The following FSIP1 variants were observed in gnomAD, a reference collection of about 807,000 sequenced individuals.
FSIP1 encodes the protein fibrous sheath interacting protein 1.
Under a neutral mutation model 60.9 loss-of-function variants are expected in FSIP1, and 65 were observed. The ratio of observed to expected loss-of-function variants is 1.07; its 90% CI spans 0.87 to 1.31. The LOEUF (loss-of-function observed/expected upper bound fraction) is 1.31. Among genes scored for constraint, FSIP1 ranks in the 40% most tolerant of loss-of-function variants. The probability of loss-of-function intolerance (pLI) is 0.00; values close to 1 mark genes in which losing one functional copy is unlikely to be tolerated. For missense variants in FSIP1, 675 were observed against 665.5 expected, an observed-to-expected ratio of 1.01 and a Z score of -0.16; for synonymous variants, 209 against 221.2, an observed-to-expected ratio of 0.94 and a Z score of 0.49.
chr15:39,704,782 T>C (rs1157091179), intron 10 of FSIP1, among the ~76,000 whole-genome samples: 1 of 152,228 alleles, frequency 6.6e-6, no homozygotes. Context: ...GGGGTTCATA[T>C]ATGCTTATAT....
intron 10 of FSIP1, among the ~76,000 whole-genome samples, chr15:39,675,429 A>C (rs1285397052): frequency 6.6e-6 from 1 of 152,190 alleles, no homozygotes; most frequent in Non-Finnish European, 1.5e-5. Flanking sequence ...CATAACGAAA[A>C]TCTGAAAATA....
chr15:39,705,405 T>C (rs956338337), intron 10 of FSIP1, among the ~76,000 whole-genome samples: 2 of 152,192 alleles, frequency 1.3e-5, no homozygotes, highest in Non-Finnish European at 2.9e-5. Context: ...TTATTGTTAC[T>C]ATTCATTTAA....
Position 39,773,845 on chromosome 15 carries a change from T to C in FSIP1, c.126+2554A>G, listed in dbSNP as rs147057887. 1.1e-4 allele frequency among the ~76,000 whole-genome samples: 16 copies of C among 152,300 alleles called. No individual in the cohort carries two copies. In the East Asian group the frequency reaches 3.1e-3, roughly 29 times the overall value. On this transcript the variant is annotated intron_variant, in intron 2 of 11. Coordinates refer to ENST00000350221, the MANE Select transcript of FSIP1 (RefSeq NM_152597.5). ...GAGACAGGGAATAGATCAGTAATTG[T>C]AAGGGATTAAGGGTGACATGGGATT...
intron 11 of FSIP1, among the ~76,000 whole-genome samples, chr15:39,609,268 A>T (rs139714470): frequency 1.4e-4 from 21 of 152,304 alleles, no homozygotes; most frequent in Non-Finnish European, 2.4e-4. Flanking sequence ...CAGGAAGTAT[A>T]GTCAACTGAT....
At chr15:39,677,449 T>C (rs1893987300) in intron 10 of FSIP1, among the ~76,000 whole-genome samples, 1 of 150,484 alleles carries the variant, frequency 6.6e-6, no homozygotes, top group South Asian at 2.1e-4. Flanking sequence ...TGTGATTCAA[T>C]TCTGGTGCTT....
intron 5 of FSIP1, among the ~76,000 whole-genome samples, chr15:39,758,940 C>T (rs1897392843): frequency 6.6e-6 from 1 of 151,736 alleles, no homozygotes; most frequent in Admixed American, 6.6e-5. Flanking sequence ...ACAGATTATC[C>T]AATAAAGGGT....
At position 39,635,361 on chromosome 15, in the gene FSIP1, T is replaced by C. The variant is rs748208442; in HGVS notation, c.1189-17116A>G. On this transcript the variant is annotated intron_variant, in intron 10 of 11. Coordinates refer to ENST00000350221, the MANE Select transcript of FSIP1 (RefSeq NM_152597.5). Reference sequence around the variant, plus strand: ...AAAAAAAAAAAATCCATTTGCCAGATAGATACATGCATACCAAAGATCAAG... The same window carrying C: ...AAAAAAAAAAAATCCATTTGCCAGACAGATACATGCATACCAAAGATCAAG... 2.0e-5 allele frequency among the ~76,000 whole-genome samples: 3 copies of C among 151,392 alleles called. No homozygotes were observed. The East Asian group carries it at 5.8e-4, about 29-fold the overall frequency.
intron 10 of FSIP1, among the ~76,000 whole-genome samples, chr15:39,679,416 G>A (rs537883073): frequency 1.7e-4 from 26 of 152,106 alleles, no homozygotes; most frequent in Admixed American, 6.5e-4. Flanking sequence ...CTATTCAGCC[G>A]AGACAACCTT....
chr15:39,741,964 T>C (rs1243499304), intron 5 of FSIP1, 64 bp from the exon 6 acceptor site: 3 of 895,902 alleles, frequency 3.3e-6, no homozygotes, highest in South Asian at 2.8e-5. Flanking sequence ...GTCTACAAAA[T>C]TGTTTTAAAA....
In FSIP1 at chr15:39,726,674, T is replaced by G. The variant is rs772114003; in HGVS notation, c.965A>C (p.Glu322Ala). 233 of 1,613,984 alleles carry G rather than the reference T, an allele frequency of 1.4e-4. No homozygotes were observed. The highest frequency in any genetic ancestry group is 1.9e-4 in the Non-Finnish European group (221 of 1,179,988). Residue 322 changes from glutamate (E) to alanine (A), a missense_variant, in exon 9 of 12, where the codon GAA becomes GCA. Physicochemically the swap from Glu to Ala is moderately radical, Grantham distance 107 (BLOSUM62 -1). Coordinates refer to ENST00000350221, the MANE Select transcript of FSIP1 (RefSeq NM_152597.5). ...LAVTQHQQLA[E>A]IDIKLQELSA... ...GAGTTCTTGGAGTTTTATATCAATT[T>G]CAGCAAGCTGCTGATGCTGGGTGAC...
Position 39,738,186 on chromosome 15 carries a change from T to C in FSIP1, c.796A>G (p.Arg266Gly). 1 of 1,609,792 alleles carries C rather than the reference T, an allele frequency of 6.2e-7. No homozygotes were observed. The highest frequency in any genetic ancestry group is 8.5e-7 in the Non-Finnish European group (1 of 1,177,976). The change falls in exon 8 of 12, where the codon AGA (arginine) becomes GGA (glycine). Residue 266 changes from arginine to glycine, a missense_variant. By Grantham distance (125) the Arg-to-Gly change is moderately radical. Coordinates refer to ENST00000350221, the MANE Select transcript of FSIP1 (RefSeq NM_152597.5). ...KRNIELAKESRNPVVMVDREK... is the reference protein window; with the variant it reads ...KRNIELAKESGNPVVMVDREK... ...CTGTCAACCATAACCACTGGGTTTC[T>C]TGATTCCTTGGCCAACTACAGAATT...
At chr15:39,741,349 G>C (rs1906165) in intron 6 of FSIP1, among the ~76,000 whole-genome samples, 19,144 of 152,168 alleles carry the variant, frequency 0.13, 1,922 homozygotes, top group African/African-American at 0.27. Flanking sequence ...TTCCTACAGT[G>C]ACCCCAAACC....
At chr15:39,674,098 A>C (rs1893832711) in intron 10 of FSIP1, among the ~76,000 whole-genome samples, 1 of 149,900 alleles carries the variant, frequency 6.7e-6, no homozygotes. Flanking sequence ...TCTGTCGCCC[A>C]GGCTGGAGTG....
intron 10 of FSIP1, among the ~76,000 whole-genome samples, chr15:39,638,759 C>T (rs962980552): frequency 1.3e-5 from 2 of 151,786 alleles, no homozygotes; most frequent in African/African-American, 4.8e-5. Context: ...AAACAGGGAA[C>T]CAAAGAGACT....
In FSIP1 at chr15:39,738,198, C is replaced by T; in HGVS notation, c.784G>A (p.Ala262Thr). 6.3e-7 allele frequency: 1 copy of T among 1,595,030 alleles called. No homozygotes were observed. The change falls in exon 8 of 12, where the codon GCC becomes ACC. Residue 262 changes from alanine to threonine, a missense_variant. Physicochemically the swap from Ala to Thr is moderately conservative, Grantham distance 58. Coordinates refer to ENST00000350221, the MANE Select transcript of FSIP1 (RefSeq NM_152597.5). ...ACCACTGGGTTTCTTGATTCCTTGGCCAACTACAGAATTTATTAATGGAAA... is the reference window on the plus strand; with the variant it reads ...ACCACTGGGTTTCTTGATTCCTTGGTCAACTACAGAATTTATTAATGGAAA... ...QDFIKRNIEL[A>T]KESRNPVVMV...
intron 5 of FSIP1, among the ~76,000 whole-genome samples, chr15:39,763,407 C>A (rs1436001070): frequency 6.6e-6 from 1 of 152,078 alleles, no homozygotes; most frequent in Non-Finnish European, 1.5e-5. Flanking sequence ...TGGCTCATCT[C>A]AAAAATATAG....
chr15:39,644,228 G>A (rs138621576), intron 10 of FSIP1, among the ~76,000 whole-genome samples: 8 of 152,168 alleles, frequency 5.3e-5, no homozygotes, highest in Admixed American at 2.0e-4. Flanking sequence ...GAATGCCTGC[G>A]ACTGTCCCGA....
chr15:39,689,267 T>C (rs915378018), intron 10 of FSIP1, among the ~76,000 whole-genome samples: 1 of 152,176 alleles, frequency 6.6e-6, no homozygotes, highest in Non-Finnish European at 1.5e-5. Flanking sequence ...CACCTCTACA[T>C]GTATACCAAC....
At chr15:39,638,938 G>T (rs1434880123) in intron 10 of FSIP1, among the ~76,000 whole-genome samples, 1 of 151,908 alleles carries the variant, frequency 6.6e-6, no homozygotes, top group Non-Finnish European at 1.5e-5. Flanking sequence ...TTATTGCTAA[G>T]TATAAAAGCT....
Sources: gnomAD v4.1 joint callset for allele counts (sites outside exome capture counted in the v4.1 genomes callset) on GRCh38, gnomAD v4.1.1 for gene constraint, MANE v1.5 for transcripts, NCBI Gene and HGNC (gene_info 2026-07-23, HGNC 2026-07-21) for gene names.